The following ABCC4 variants were observed in gnomAD, a reference collection of about 807,000 sequenced individuals.
ABCC4 encodes ATP-binding cassette sub-family C member 4.
In ABCC4, 102 loss-of-function variants were observed where a neutral mutation model predicts 168.5. The ratio of observed to expected loss-of-function variants is 0.61; its 90% CI spans 0.52 to 0.71. ABCC4 has a LOEUF of 0.71. ABCC4 is among the 30% of genes least tolerant of loss of function. The pLI, the probability that ABCC4 is intolerant of heterozygous loss-of-function variation, is 0.00. For synonymous variants in ABCC4, 617 were observed against 590.7 expected (o/e 1.04, Z -0.65); for missense variants, 1,402 against 1,605.8 (o/e 0.87, Z 2.17).
chr13:95,170,890 A>T (rs951778170), intron 13 of ABCC4, among the ~76,000 whole-genome samples: 19 of 152,226 alleles, frequency 1.2e-4, no homozygotes, highest in African/African-American at 3.9e-4. Flanking sequence ...CCTAAAACTT[A>T]GTTTAACATA....
intron 4 of ABCC4, among the ~76,000 whole-genome samples, chr13:95,231,807 C>T (rs58669857): frequency 0.025 from 3,802 of 152,134 alleles, 172 homozygotes; most frequent in African/African-American, 0.086. Flanking sequence ...GCAAGTCTGC[C>T]GAGTTAGATC....
chr13:95,098,181 A>G (rs2034676791), intron 20 of ABCC4, among the ~76,000 whole-genome samples: 1 of 151,696 alleles, frequency 6.6e-6, no homozygotes, highest in South Asian at 2.1e-4. Flanking sequence ...TGAACTGTAG[A>G]TAATGAAAAC....
intron 5 of ABCC4, 85 bp from the exon 6 acceptor site, chr13:95,209,682 A>G: frequency 7.8e-7 from 1 of 1,283,068 alleles, no homozygotes. Context: ...CCACTGGAAA[A>G]GAACAGGCAA....
chr13:95,087,503 C>G (rs988125790), intron 20 of ABCC4, among the ~76,000 whole-genome samples: 4 of 152,068 alleles, frequency 2.6e-5, no homozygotes, highest in Non-Finnish European at 5.9e-5. Flanking sequence ...AAAATAAAAC[C>G]TACTTCTCAA....
chr13:95,240,694 G>T (rs2039916795), intron 3 of ABCC4, among the ~76,000 whole-genome samples: 1 of 152,076 alleles, frequency 6.6e-6, no homozygotes, highest in East Asian at 1.9e-4. Flanking sequence ...TTTTTGAAAT[G>T]ATCTTTAAAA....
chr13:95,115,860 G>A (rs559081770), intron 20 of ABCC4, 62 bp downstream of exon 20: 34 of 1,425,812 alleles, frequency 2.4e-5, no homozygotes, highest in Non-Finnish European at 3.2e-5. Context: ...CCATGAAAAG[G>A]GCTTGAAAAA....
intron 27 of ABCC4, among the ~76,000 whole-genome samples, chr13:95,051,538 C>CTT (rs79194782): frequency 1.4e-5 from 2 of 144,206 alleles, no homozygotes; most frequent in Admixed American, 7.0e-5. Context: ...CTGGCTAATT[C>CTT]TTTTTTTTTT....
chr13:95,083,804 T>G (rs2034176905), intron 20 of ABCC4, among the ~76,000 whole-genome samples: 1 of 152,198 alleles, frequency 6.6e-6, no homozygotes, highest in South Asian at 2.1e-4. Flanking sequence ...ATTATGAGCG[T>G]GAGCCACCAC....
At chr13:95,167,630 TA>T (rs1287594878) in intron 14 of ABCC4, among the ~76,000 whole-genome samples, 1 of 152,080 alleles carries the variant, frequency 6.6e-6, no homozygotes, top group Non-Finnish European at 1.5e-5. Context: ...ACACAGGAGG[TA>T]AAAGTGACAC....
intron 1 of ABCC4, among the ~76,000 whole-genome samples, chr13:95,279,870 T>A (rs969085546): frequency 1.1e-4 from 17 of 152,132 alleles, no homozygotes; most frequent in African/African-American, 4.1e-4. Flanking sequence ...GAGCTGAGAC[T>A]GGGTGGCCTT....
chr13:95,121,771 G>T (rs1454243911), intron 19 of ABCC4, among the ~76,000 whole-genome samples: 1 of 152,032 alleles, frequency 6.6e-6, no homozygotes, highest in African/African-American at 2.4e-5. Context: ...TGAGACAGAG[G>T]ATGAAGAGGA....
intron 1 of ABCC4, among the ~76,000 whole-genome samples, chr13:95,280,053 G>T (rs1006387304): frequency 7.9e-5 from 12 of 152,216 alleles, no homozygotes; most frequent in African/African-American, 2.9e-4. Context: ...TTGTCCCTGC[G>T]ACTCTGGGTG....
At chr13:95,135,506 G>A (rs780638840) in intron 19 of ABCC4, among the ~76,000 whole-genome samples, 5 of 150,148 alleles carry the variant, frequency 3.3e-5, no homozygotes, top group South Asian at 2.1e-4. Flanking sequence ...TTGACCTCTC[G>A]GGCTCAAGTG....
chr13:95,278,804 C>CG (rs1370345512), intron 1 of ABCC4, among the ~76,000 whole-genome samples: 2 of 54,330 alleles, frequency 3.7e-5, no homozygotes, highest in African/African-American at 6.8e-5. Context: ...GACCCTGTCT[C>CG]GGAAAAAAAA....
intron 30 of ABCC4, among the ~76,000 whole-genome samples, chr13:95,031,167 C>T (rs149118228): frequency 2.5e-3 from 382 of 152,312 alleles, no homozygotes; most frequent in Non-Finnish European, 3.8e-3. Context: ...AGCTTGTTCT[C>T]CTAAGAGGAC....
intron 29 of ABCC4, among the ~76,000 whole-genome samples, 176 bp from the exon 30 acceptor site, chr13:95,034,915 C>T (rs2032054435): frequency 6.6e-6 from 1 of 152,108 alleles, no homozygotes; most frequent in Non-Finnish European, 1.5e-5. Context: ...AAGGCCTAAC[C>T]TGACCTTTTA....
chr13:95,192,097 C>T (rs1302798448), intron 9 of ABCC4, among the ~76,000 whole-genome samples: 1 of 152,248 alleles, frequency 6.6e-6, no homozygotes, highest in South Asian at 2.1e-4. Flanking sequence ...TGGAGAGTCA[C>T]AGGCTCTCAC....
At chr13:95,190,982 A>C (rs1418407500) in intron 9 of ABCC4, among the ~76,000 whole-genome samples, 1 of 152,220 alleles carries the variant, frequency 6.6e-6, no homozygotes, top group African/African-American at 2.4e-5. Flanking sequence ...ACTCTAGAAA[A>C]GGATTCTTCA....
intron 20 of ABCC4, among the ~76,000 whole-genome samples, chr13:95,107,998 C>T (rs1017406011): frequency 1.3e-5 from 2 of 152,084 alleles, no homozygotes; most frequent in Admixed American, 6.6e-5. Context: ...CTTCCAGATG[C>T]TCATATCTAA....
Sources: gnomAD v4.1 joint callset for allele counts (sites outside exome capture counted in the v4.1 genomes callset) on GRCh38, gnomAD v4.1.1 for gene constraint, MANE v1.5 for transcripts, NCBI Gene and HGNC (gene_info 2026-07-23, HGNC 2026-07-21) for gene names.